WDR27: variants seen among roughly 807,000 people sequenced by gnomAD.
The protein encoded by WDR27 is WD repeat-containing protein 27.
A neutral mutation model predicts 114.4 loss-of-function variants in WDR27; 100 were observed. That is an observed-to-expected ratio of 0.87 (90% CI 0.74 to 1.03). The LOEUF (loss-of-function observed/expected upper bound fraction) is 1.03. WDR27 is among the 50% of genes least tolerant of loss of function. The probability of loss-of-function intolerance (pLI) is 0.00; values close to 1 mark genes in which losing one functional copy is unlikely to be tolerated. For missense variants in WDR27, 1,129 were observed against 1,092.9 expected (o/e 1.03, Z -0.47); for synonymous variants, 449 against 423.1 (o/e 1.06, Z -0.75).
chr6:169,434,008 T>C, the WDR27 span, among the ~76,000 whole-genome samples: 1 of 152,230 alleles, frequency 6.6e-6, no homozygotes, highest in African/African-American at 2.4e-5. Context: ...GATGGATAGA[T>C]TGCAAAAATT....
At chr6:169,452,956 G>A (rs576802185), downstream of WDR27, among the ~76,000 whole-genome samples, 1 of 152,150 alleles carries the variant, frequency 6.6e-6, no homozygotes, top group African/African-American at 2.4e-5. Flanking sequence ...CTCAGCTGCC[G>A]TGCAGTCAGC....
chr6:169,617,065 T>C (rs1438509992), intron 21 of WDR27, among the ~76,000 whole-genome samples: 2 of 152,220 alleles, frequency 1.3e-5, no homozygotes, highest in Non-Finnish European at 2.9e-5. Flanking sequence ...TGCACAATGT[T>C]GCTGAAGCAG....
chr6:169,692,233 G>A (rs1784694291), intron 1 of WDR27, among the ~76,000 whole-genome samples: 1 of 152,204 alleles, frequency 6.6e-6, no homozygotes, highest in South Asian at 2.1e-4. Context: ...CCAGTCCAGG[G>A]AAGCCATCCC....
At chr6:169,485,312 C>G (rs1352990293) in intron 25 of WDR27, among the ~76,000 whole-genome samples, 7 of 152,100 alleles carry the variant, frequency 4.6e-5, no homozygotes. Flanking sequence ...GGAACTGAAA[C>G]AACTTTACAG....
rs751967710 is a variant in WDR27, at chr6:169,667,430, A to C, written c.661-243T>G. On this transcript the variant is annotated intron_variant, in intron 5 of 25. Coordinates refer to ENST00000448612, the MANE Select transcript of WDR27 (RefSeq NM_182552.5). ...CCCTGGTGGATTTGAAGAATTGGAAACAAAAATGAAACAAGGTGAAAAACA... is the reference window on the plus strand; with the variant it reads ...CCCTGGTGGATTTGAAGAATTGGAACCAAAAATGAAACAAGGTGAAAAACA... 169 of 974,178 alleles carry C rather than the reference A, an allele frequency of 1.7e-4. No individual in the cohort carries two copies. The Middle Eastern group carries it at 5.3e-3, about 30-fold the overall frequency. 60.3% of individuals were successfully genotyped at this position (974,178 alleles called of 1,614,324 possible).
intron 21 of WDR27, among the ~76,000 whole-genome samples, chr6:169,615,750 G>T (rs1051482952): frequency 3.3e-5 from 5 of 152,110 alleles, no homozygotes; most frequent in African/African-American, 1.2e-4. Flanking sequence ...GACACCAAAA[G>T]CAATTGCAAC....
intron 17 of WDR27, among the ~76,000 whole-genome samples, chr6:169,641,862 C>G (rs978943545): frequency 6.6e-6 from 1 of 152,274 alleles, no homozygotes; most frequent in Admixed American, 6.5e-5. Flanking sequence ...CGCAGCTCTC[C>G]CGCGCAGCGC....
intron 1 of WDR27, among the ~76,000 whole-genome samples, chr6:169,700,352 G>C (rs1449783316): frequency 1.3e-5 from 2 of 152,236 alleles, no homozygotes; most frequent in African/African-American, 4.8e-5. Flanking sequence ...GGGATCAAGA[G>C]TGGAGCAGAG....
At chr6:169,679,403 C>T (rs1298593910) in intron 2 of WDR27, among the ~76,000 whole-genome samples, 1 of 152,166 alleles carries the variant, frequency 6.6e-6, no homozygotes, top group African/African-American at 2.4e-5. Context: ...GTGAGAAGGA[C>T]ATAAAATGTA....
intron 8 of WDR27, chr6:169,663,568 G>A (rs1014591544): frequency 2.0e-5 from 3 of 152,676 alleles, no homozygotes; most frequent in African/African-American, 7.2e-5. Context: ...CGCACCTGAG[G>A]AGAGCTGTCG....
At position 169,613,673 on chromosome 6, in the gene WDR27, G is replaced by T; in HGVS notation, c.2224-17C>A. ...TGATGAACCCTATAATTTTAAGGGG[G>T]AAATCAAGATGTACTTTCAAAGGTT... On this transcript the variant is annotated splice_polypyrimidine_tract_variant and intron_variant, in intron 21 of 25. Transcript: ENST00000448612. The T allele has an allele frequency of 2.5e-6, 4 of 1,593,736 alleles. No homozygotes were observed. Among genetic ancestry groups the T allele is most frequent in the South Asian group, 2.2e-5 (2 of 90,352 alleles).
chr6:169,572,714 A>G (rs1801655094), intron 24 of WDR27, among the ~76,000 whole-genome samples, 174 bp from the exon 25 acceptor site: 1 of 152,188 alleles, frequency 6.6e-6, no homozygotes, highest in African/African-American at 2.4e-5. Flanking sequence ...GCTGGTGAGG[A>G]AGCAAACAAG....
intron 1 of WDR27, among the ~76,000 whole-genome samples, chr6:169,696,318 G>A (rs939325314): frequency 1.3e-5 from 2 of 152,170 alleles, no homozygotes; most frequent in South Asian, 2.1e-4. Context: ...GAAGAATGGC[G>A]CAGTGAAGCT....
At chr6:169,609,982 T>C (rs150737716) in intron 22 of WDR27, among the ~76,000 whole-genome samples, 6,868 of 152,242 alleles carry the variant, frequency 0.045, 436 homozygotes, top group African/African-American at 0.14. Context: ...AGGGGCAAAA[T>C]GCCATCAGTC....
At chr6:169,624,143 CCGTGTGG>C (rs1243370945) in intron 21 of WDR27, among the ~76,000 whole-genome samples, 46 of 149,570 alleles carry the variant, frequency 3.1e-4, no homozygotes, top group Non-Finnish European at 5.6e-4. Flanking sequence ...GTCAGGTGTG[CCGTGTGG>C]GGCGTCAGGT....
chr6:169,650,260 C>T (rs111066680), intron 14 of WDR27, among the ~76,000 whole-genome samples: 15,479 of 141,168 alleles, frequency 0.11, 1,009 homozygotes, highest in African/African-American at 0.13. Flanking sequence ...ATCCCCCCAT[C>T]CCCTCCATCT....
chr6:169,549,853 G>C (rs11962027), intron 25 of WDR27, among the ~76,000 whole-genome samples: 6,369 of 152,284 alleles, frequency 0.042, 364 homozygotes, highest in African/African-American at 0.13. Flanking sequence ...GAAACCAGTG[G>C]TTGACAGGAG....
Position 169,534,727 on chromosome 6 carries a change from T to C in WDR27, c.2645+37692A>G, listed in dbSNP as rs189330466. Among the ~76,000 whole-genome samples, 20 of 151,994 alleles carry C rather than the reference T, an allele frequency of 1.3e-4. No homozygotes were observed. In the East Asian group the frequency reaches 3.5e-3, roughly 26 times the overall value. On this transcript the variant is annotated intron_variant, in intron 25 of 25. Coordinates refer to ENST00000448612, the MANE Select transcript of WDR27 (RefSeq NM_182552.5). The stretch of plus-strand genomic sequence containing the variant: ...ATTTTTAAAATCTCTATAAAGTTGG[T>C]GGTAATGGTCTCTCTTTTGTTCCTG...
the WDR27 span, among the ~76,000 whole-genome samples, chr6:169,429,293 C>T: frequency 5.3e-5 from 8 of 152,150 alleles, no homozygotes; most frequent in Non-Finnish European, 7.3e-5. Context: ...TTGACAGCTG[C>T]GTGGGCTCCT....
Sources: gnomAD v4.1 joint callset for allele counts (sites outside exome capture counted in the v4.1 genomes callset) on GRCh38, gnomAD v4.1.1 for gene constraint, MANE v1.5 for transcripts, NCBI Gene and HGNC (gene_info 2026-07-23, HGNC 2026-07-21) for gene names.